NUDT3: variants seen among roughly 807,000 people sequenced by gnomAD.
The protein encoded by NUDT3 is diphosphoinositol polyphosphate phosphohydrolase 1.
A neutral mutation model predicts 23.6 loss-of-function variants in NUDT3; 9 were observed. That is an observed-to-expected ratio of 0.38 (90% CI 0.23 to 0.66). The LOEUF (loss-of-function observed/expected upper bound fraction) is 0.66, where lower values mean the gene tolerates loss of function less well. NUDT3 is among the 30% of genes least tolerant of loss of function. The pLI, the probability that NUDT3 is intolerant of heterozygous loss-of-function variation, is 0.52. For synonymous variants in NUDT3, 86 were observed against 82.6 expected, an observed-to-expected ratio of 1.04 and a Z score of -0.22; for missense variants, 172 against 218.5, an observed-to-expected ratio of 0.79 and a Z score of 1.34.
rs1763317190 is a variant in NUDT3, at chr6:34,284,986, TC to T, written c.*3766del. The T allele has an allele frequency of 6.6e-6, 1 of 152,136 alleles. No individual in the cohort carries two copies. Among genetic ancestry groups the T allele is most frequent in the Admixed American group, 6.5e-5 (1 of 15,270 alleles). The allele number at this position is 152,136 out of a possible 1,614,324, so 9.4% of individuals were successfully genotyped here. ...AAGCAAGGCCTCAAGTGCCTCATGT[TC>T]CATGGGGCTGTGCAGTGCAATGCAG... On this transcript the variant is annotated 3_prime_UTR_variant, in exon 5 of 5. Transcript: ENST00000607016.
chr6:34,374,515 C>CTGTCA (rs1262419595), intron 1 of NUDT3, among the ~76,000 whole-genome samples: 1 of 152,094 alleles, frequency 6.6e-6, no homozygotes, highest in Non-Finnish European at 1.5e-5. Flanking sequence ...CTTTGTGACG[C>CTGTCA]TGTTATGATC....
chr6:34,315,702 A>G (rs1763846860), intron 2 of NUDT3, among the ~76,000 whole-genome samples: 1 of 152,232 alleles, frequency 6.6e-6, no homozygotes, highest in Non-Finnish European at 1.5e-5. Context: ...GATTTAAACT[A>G]GATAACCTCT....
intron 1 of NUDT3, among the ~76,000 whole-genome samples, chr6:34,366,204 CAA>C (rs763153596): frequency 4.5e-5 from 6 of 133,250 alleles, no homozygotes; most frequent in African/African-American, 5.5e-5. Flanking sequence ...CCATCTCTAC[CAA>C]AAAAAAAAAA....
chr6:34,316,830 T>C (rs1763868941), intron 2 of NUDT3, among the ~76,000 whole-genome samples: 1 of 152,086 alleles, frequency 6.6e-6, no homozygotes, highest in Non-Finnish European at 1.5e-5. Flanking sequence ...CATAGGCCAA[T>C]CTGAGGGCTT....
At chr6:34,367,941 G>A (rs960129526) in intron 1 of NUDT3, among the ~76,000 whole-genome samples, 18 of 152,124 alleles carry the variant, frequency 1.2e-4, no homozygotes, top group African/African-American at 4.1e-4. Context: ...AGTGGCTCAC[G>A]CCTGTAATTC....
intron 2 of NUDT3, among the ~76,000 whole-genome samples, chr6:34,339,567 A>G (rs1480773923): frequency 6.6e-6 from 1 of 152,242 alleles, no homozygotes; most frequent in African/African-American, 2.4e-5. Flanking sequence ...TTGCTGGTCC[A>G]TCAATTACAC....
intron 1 of NUDT3, among the ~76,000 whole-genome samples, chr6:34,380,837 C>T (rs1765004385): frequency 6.6e-6 from 1 of 152,188 alleles, no homozygotes; most frequent in Admixed American, 6.5e-5. Context: ...GGGCCTCTGA[C>T]TTAGACGGCC....
At chr6:34,307,377 G>C (rs530507878) in intron 2 of NUDT3, among the ~76,000 whole-genome samples, 1 of 152,256 alleles carries the variant, frequency 6.6e-6, no homozygotes, top group South Asian at 2.1e-4. Flanking sequence ...CCAGGAGTTC[G>C]AGACCAGCCT....
At chr6:34,300,462 G>A (rs1763582457) in intron 2 of NUDT3, among the ~76,000 whole-genome samples, 1 of 152,174 alleles carries the variant, frequency 6.6e-6, no homozygotes, top group South Asian at 2.1e-4. Flanking sequence ...GCTCCCCTCT[G>A]CAGGGACTAG....
chr6:34,353,478 T>C (rs1764510183), intron 1 of NUDT3, among the ~76,000 whole-genome samples: 2 of 150,094 alleles, frequency 1.3e-5, no homozygotes, highest in Non-Finnish European at 3.0e-5. Flanking sequence ...TCTTGTTCAC[T>C]ACAACCTCCA....
At chr6:34,301,640 C>A (rs1763599435) in intron 2 of NUDT3, among the ~76,000 whole-genome samples, 1 of 152,244 alleles carries the variant, frequency 6.6e-6, no homozygotes, top group Admixed American at 6.5e-5. Context: ...GAGTTGCCTA[C>A]TCAACTCAGA....
At chr6:34,372,270 GGCT>G (rs1400464230) in intron 1 of NUDT3, among the ~76,000 whole-genome samples, 2 of 152,120 alleles carry the variant, frequency 1.3e-5, no homozygotes, top group Admixed American at 6.6e-5. Flanking sequence ...GTAATGGGAT[GGCT>G]GGGTCAAATG....
chr6:34,335,603 A>C (rs1229937280), intron 2 of NUDT3, among the ~76,000 whole-genome samples: 1 of 151,810 alleles, frequency 6.6e-6, no homozygotes, highest in Non-Finnish European at 1.5e-5. Context: ...TTTATTTCTG[A>C]CTCATGATTT....
At chr6:34,319,296 A>G (rs1763905626) in intron 2 of NUDT3, among the ~76,000 whole-genome samples, 1 of 152,150 alleles carries the variant, frequency 6.6e-6, no homozygotes, top group Non-Finnish European at 1.5e-5. Context: ...TCAGTCCCAC[A>G]ACACCCTCCT....
intron 4 of NUDT3, among the ~76,000 whole-genome samples, chr6:34,292,571 T>C (rs933688941): frequency 6.6e-6 from 1 of 151,920 alleles, no homozygotes; most frequent in African/African-American, 2.4e-5. Context: ...TAAAAGTTCA[T>C]AAATTTTATC....
rs978228771 is a variant in NUDT3, at chr6:34,288,020, G to T, written c.*733C>A. Reference sequence around the variant, plus strand: ...GGAAATACAGCTTAAAGAAGGAAAGGCCATGAGTCCTGGGAGCACTATGAA... The same window carrying T: ...GGAAATACAGCTTAAAGAAGGAAAGTCCATGAGTCCTGGGAGCACTATGAA... On this transcript the variant is annotated 3_prime_UTR_variant, in exon 5 of 5. Coordinates refer to ENST00000607016, the MANE Select transcript of NUDT3 (RefSeq NM_006703.4). The T allele has an allele frequency of 6.6e-6, 1 of 152,136 alleles. No homozygotes were observed. The allele number at this position is 152,136 out of a possible 1,614,324, so 9.4% of individuals were successfully genotyped here.
At chr6:34,374,068 A>T (rs950519696) in intron 1 of NUDT3, among the ~76,000 whole-genome samples, 1 of 151,034 alleles carries the variant, frequency 6.6e-6, no homozygotes, top group African/African-American at 2.4e-5. Context: ...GAGGCAGGAG[A>T]ATCACTTGAA....
intron 2 of NUDT3, among the ~76,000 whole-genome samples, chr6:34,307,550 T>C (rs1464525163): frequency 2.0e-5 from 3 of 152,134 alleles, no homozygotes; most frequent in Non-Finnish European, 4.4e-5. Flanking sequence ...CTCTCCAGTC[T>C]GGGCAACAGT....
intron 2 of NUDT3, among the ~76,000 whole-genome samples, chr6:34,305,929 T>C (rs1421170644): frequency 6.6e-6 from 1 of 152,220 alleles, no homozygotes; most frequent in East Asian, 1.9e-4. Flanking sequence ...ACCATTCCTG[T>C]ACAACTTAAC....
Sources: gnomAD v4.1 joint callset for allele counts (sites outside exome capture counted in the v4.1 genomes callset) on GRCh38, gnomAD v4.1.1 for gene constraint, MANE v1.5 for transcripts, NCBI Gene and HGNC (gene_info 2026-07-23, HGNC 2026-07-21) for gene names.